Variants in EPAS1 observed in about 807,000 individuals in gnomAD.
EPAS1 encodes endothelial PAS domain-containing protein 1.
A neutral mutation model predicts 87.9 loss-of-function variants in EPAS1; 23 were observed. The observed-to-expected ratio is 0.26, with a 90% CI of 0.19 to 0.37. The LOEUF (loss-of-function observed/expected upper bound fraction) is 0.37. Ranked by LOEUF, EPAS1 falls within the 10% of genes least tolerant of loss-of-function variation. EPAS1 has a pLI of 1.00. For missense variants in EPAS1, 1,138 were observed against 1,120.7 expected, an observed-to-expected ratio of 1.02 and a Z score of -0.22; for synonymous variants, 508 against 444.3, an observed-to-expected ratio of 1.14 and a Z score of -1.80.
At chr2:46,384,210 C>T (rs77068372) in intron 15 of EPAS1, among the ~76,000 whole-genome samples, 1,988 of 152,318 alleles carry the variant, frequency 0.013, 16 homozygotes, top group Non-Finnish European at 0.021. Flanking sequence ...CCTTTCCTCC[C>T]TGCTGCCAGG....
At position 46,375,033 on chromosome 2, in the gene EPAS1, G is replaced by T; in HGVS notation, c.887-657G>T. Reference sequence around the variant, plus strand: ...CTCAGCCCCAACTGAGAAAGGGTGGGGTGGTTTGCCTCTGCCTTTGCTGTG... The same window carrying T: ...CTCAGCCCCAACTGAGAAAGGGTGGTGTGGTTTGCCTCTGCCTTTGCTGTG... On this transcript the variant is annotated intron_variant, in intron 7 of 15. Transcript: ENST00000263734. This position sits in a 1 kb window ranked among gnomAD's most constrained non-coding sequence, Gnocchi z 4.1. Among the ~76,000 whole-genome samples, 1 of 152,106 alleles carries T rather than the reference G, an allele frequency of 6.6e-6. No homozygotes were observed. The highest frequency in any genetic ancestry group is 2.1e-4 in the South Asian group (1 of 4,810).
Position 46,375,776 on chromosome 2 carries a change from G to A in EPAS1, c.973G>A (p.Val325Ile), listed in dbSNP as rs762306214. The A allele has an allele frequency of 6.2e-7, 1 of 1,614,246 alleles. No individual in the cohort carries two copies. Residue 325 changes from valine (V) to isoleucine (I), a missense_variant, in exon 8 of 16, where the codon GTC becomes ATC. Physicochemically the swap from Val to Ile is conservative, Grantham distance 29. Around this residue, in one of 4 missense-constraint regions of EPAS1, gnomAD observed 351 missense variants for 417.1 expected, o/e 0.84. Coordinates refer to ENST00000263734, the MANE Select transcript of EPAS1 (RefSeq NM_001430.5). This position sits in a 1 kb window ranked among gnomAD's most constrained non-coding sequence, Gnocchi z 4.1. ...GYVWLETQGT[V>I]IYNPRNLQPQ... Reference sequence around the variant, plus strand: ...CGTGTGGCTGGAGACCCAGGGGACGGTCATCTACAACCCTCGCAACCTGCA... The same window carrying A: ...CGTGTGGCTGGAGACCCAGGGGACGATCATCTACAACCCTCGCAACCTGCA...
At chr2:46,373,093 G>C (rs1684662018) in intron 7 of EPAS1, among the ~76,000 whole-genome samples, 1 of 152,178 alleles carries the variant, frequency 6.6e-6, no homozygotes, top group African/African-American at 2.4e-5. Flanking sequence ...CTATTGTCTT[G>C]TAAGCTGTGA....
chr2:46,367,670 G>T (rs1283453096), intron 6 of EPAS1, among the ~76,000 whole-genome samples: 1 of 152,216 alleles, frequency 6.6e-6, no homozygotes, highest in Non-Finnish European at 1.5e-5. Context: ...CTCTGAGACT[G>T]GCTGGCTGGC....
intron 1 of EPAS1, among the ~76,000 whole-genome samples, chr2:46,342,734 C>A (rs748636705): frequency 1.3e-5 from 2 of 152,180 alleles, no homozygotes; most frequent in Non-Finnish European, 2.9e-5. Context: ...GATCCCTAAG[C>A]CATGCTCGGA....
chr2:46,343,664 C>T (rs534462207), intron 1 of EPAS1, among the ~76,000 whole-genome samples: 4 of 152,214 alleles, frequency 2.6e-5, no homozygotes, highest in Non-Finnish European at 4.4e-5. Flanking sequence ...CAGCTGAAAT[C>T]CCACCTCCCT....
chr2:46,331,329 C>T lies in EPAS1; in HGVS notation c.27-15544C>T, dbSNP rs937177090. Among the ~76,000 whole-genome samples, 5 of 152,350 alleles carry T rather than the reference C, an allele frequency of 3.3e-5. No homozygotes were observed. In the East Asian group the frequency reaches 5.8e-4, roughly 18 times the overall value. On this transcript the variant is annotated intron_variant, in intron 1 of 15. Transcript: ENST00000263734. ...CTGGCATGTAGTAGACACTCAGTAA[C>T]TGTCAAATAAATGAAAGCCCTGGCT...
chr2:46,368,306 G>A (rs982735001), intron 6 of EPAS1, among the ~76,000 whole-genome samples: 10 of 152,168 alleles, frequency 6.6e-5, no homozygotes, highest in Non-Finnish European at 1.0e-4. Flanking sequence ...GAGGGGAGAA[G>A]AGAAGGCATA....
intron 1 of EPAS1, among the ~76,000 whole-genome samples, chr2:46,336,147 T>C (rs190206385): frequency 1.8e-4 from 27 of 152,268 alleles, no homozygotes; most frequent in African/African-American, 6.5e-4. Context: ...GGGATCACTT[T>C]TTCTTTCCTC....
intron 1 of EPAS1, among the ~76,000 whole-genome samples, chr2:46,316,629 T>A (rs1683343882): frequency 6.6e-6 from 1 of 152,226 alleles, no homozygotes; most frequent in Non-Finnish European, 1.5e-5. Flanking sequence ...ATCTGAGCCT[T>A]CAGTGAGTCA....
intron 1 of EPAS1, among the ~76,000 whole-genome samples, chr2:46,318,593 T>C (rs1240281394): frequency 6.6e-6 from 1 of 152,210 alleles, no homozygotes; most frequent in Admixed American, 6.5e-5. Flanking sequence ...AGTTCCCATA[T>C]TGTTTTTGTG....
chr2:46,382,696 AG>A (rs1377752550), intron 15 of EPAS1, 98 bp downstream of exon 15: 4 of 1,505,708 alleles, frequency 2.7e-6, no homozygotes, highest in African/African-American at 1.4e-5. Flanking sequence ...TGCCAGGCAC[AG>A]GGAGGTGCTT....
chr2:46,302,611 G>A (rs1683030258), intron 1 of EPAS1, among the ~76,000 whole-genome samples: 1 of 151,620 alleles, frequency 6.6e-6, no homozygotes, highest in Non-Finnish European at 1.5e-5. Flanking sequence ...TTCACCCTAA[G>A]ATATAATCCA....
rs773061058 is a variant in EPAS1, at chr2:46,382,077, A to G, written c.2275A>G (p.Asn759Asp). 6.2e-6 allele frequency: 10 copies of G among 1,613,824 alleles called. No individual in the cohort carries two copies. In the East Asian group the frequency reaches 8.9e-5, roughly 14 times the overall value. ...PLMPDKPLSA[N>D]VPNDKFTQNP... The stretch of plus-strand genomic sequence containing the variant: ...GATGCCGGACAAGCCACTGAGCGCA[A>G]ATGTACCCAATGGTGAGCAGCGGCC... Residue 759 changes from asparagine to aspartate, a missense_variant, in exon 14 of 16, where the codon AAT (asparagine) becomes GAT (aspartate). Physicochemically the swap from Asn to Asp is conservative, Grantham distance 23 (BLOSUM62 1). Around this residue, in one of 4 missense-constraint regions of EPAS1, gnomAD observed 502 missense variants for 427.1 expected, o/e 1.18. Transcript: ENST00000263734.
chr2:46,369,928 A>G lies in EPAS1; in HGVS notation c.881A>G (p.Gln294Arg), dbSNP rs745979512. 6.2e-7 allele frequency: 1 copy of G among 1,608,904 alleles called. No homozygotes were observed. The highest frequency in any genetic ancestry group is 1.1e-5 in the South Asian group (1 of 90,082). Reference sequence around the variant, plus strand: ...TCCGAGAACATGACCAAGAGTCACCAGAACTGTGAGTTCCAGGAGTGCCCC... The same window carrying G: ...TCCGAGAACATGACCAAGAGTCACCGGAACTGTGAGTTCCAGGAGTGCCCC... ...LDSENMTKSH[Q>R]NLCTKGQVVS... The change falls in exon 7 of 16, where the codon CAG (glutamine) becomes CGG (arginine). Residue 294 changes from glutamine to arginine, a missense_variant. By Grantham distance (43) the Gln-to-Arg change is conservative. Transcript: ENST00000263734.
chr2:46,343,312 T>G (rs1305740091), intron 1 of EPAS1, among the ~76,000 whole-genome samples: 1 of 152,194 alleles, frequency 6.6e-6, no homozygotes, highest in Admixed American at 6.5e-5. Context: ...CCTCATGAAA[T>G]TTTTGTCACT....
chr2:46,362,654 C>T (rs1486043022), intron 6 of EPAS1, among the ~76,000 whole-genome samples: 4 of 152,192 alleles, frequency 2.6e-5, no homozygotes, highest in Admixed American at 2.6e-4. Flanking sequence ...ATGGGAGGGA[C>T]CCTCCTCTCC....
At chr2:46,334,612 T>C (rs1286292525) in intron 1 of EPAS1, among the ~76,000 whole-genome samples, 1 of 152,152 alleles carries the variant, frequency 6.6e-6, no homozygotes, top group African/African-American at 2.4e-5. Context: ...TCTTCACCTC[T>C]CTGCAAGCTC....
At chr2:46,308,736 A>T (rs1007249160) in intron 1 of EPAS1, among the ~76,000 whole-genome samples, 1 of 152,226 alleles carries the variant, frequency 6.6e-6, no homozygotes, top group African/African-American at 2.4e-5. Flanking sequence ...AGAATGCCTT[A>T]TACACTAATG....
Sources: allele counts gnomAD v4.1 joint callset (sites outside exome capture counted in the v4.1 genomes callset), GRCh38; gene constraint gnomAD v4.1.1; regional missense constraint gnomAD v4.1.1; non-coding constraint Gnocchi (gnomAD v3.1); transcripts MANE v1.5; gene names NCBI Gene and HGNC (gene_info 2026-07-23, HGNC 2026-07-21).